Variants in AIG1 observed in about 807,000 individuals in gnomAD.
AIG1 encodes androgen-induced gene 1 protein.
A neutral mutation model predicts 31.4 loss-of-function variants in AIG1; 23 were observed. The ratio of observed to expected loss-of-function variants is 0.73; its 90% confidence interval spans 0.53 to 1.04. AIG1 has a LOEUF of 1.04. Among genes scored for constraint, AIG1 ranks in the 50% least tolerant of loss-of-function variants. The pLI is 0.00. For synonymous variants in AIG1, 100 were observed against 110.5 expected (o/e 0.90, Z 0.60); for missense variants, 274 against 295.0 (o/e 0.93, Z 0.52).
At chr6:143,304,835 G>T (rs138081551) in intron 4 of AIG1, among the ~76,000 whole-genome samples, 20,458 of 152,056 alleles carry the variant, frequency 0.13, 1,606 homozygotes, top group East Asian at 0.36. Flanking sequence ...GGTAGAATTC[G>T]GCTGTGAATC....
chr6:143,063,911 G>A (rs13197998), intron 1 of AIG1, among the ~76,000 whole-genome samples: 4 of 152,184 alleles, frequency 2.6e-5, no homozygotes, highest in Non-Finnish European at 5.9e-5. Context: ...GGTCATTCCA[G>A]TAGATTCAGA....
intron 1 of AIG1, among the ~76,000 whole-genome samples, chr6:143,121,100 C>T (rs1782201810): frequency 6.6e-6 from 1 of 152,230 alleles, no homozygotes; most frequent in African/African-American, 2.4e-5. Context: ...TAAAACAATG[C>T]TTATCACTGG....
In AIG1 at chr6:143,279,212, G is replaced by A. The variant is rs1479695965; in HGVS notation, c.400-4898G>A. 6.6e-6 allele frequency among the ~76,000 whole-genome samples: 1 copy of A among 152,010 alleles called. No individual in the cohort carries two copies. Among genetic ancestry groups the A allele is most frequent in the Non-Finnish European group, 1.5e-5 (1 of 68,006 alleles). On this transcript the variant is annotated intron_variant, in intron 3 of 5. Coordinates refer to ENST00000357847, the MANE Select transcript of AIG1 (RefSeq NM_016108.4). The surrounding 1 kb of genome is among the most constrained non-coding windows in gnomAD (Gnocchi z 5.4). ...TAAAAGAAACTAAGACATTTTCATGGGCCCTGGCACTGTGGCTACTGTCCC... is the reference window on the plus strand; with the variant it reads ...TAAAAGAAACTAAGACATTTTCATGAGCCCTGGCACTGTGGCTACTGTCCC...
upstream of AIG1, chr6:143,060,586 G>T: frequency 1.0e-4 from 44 of 431,744 alleles, 1 homozygote; most frequent in South Asian, 7.2e-4. Context: ...CCACACCTGG[G>T]ATGCCTAGGG....
At chr6:143,217,310 A>G (rs527456454) in intron 3 of AIG1, among the ~76,000 whole-genome samples, 3 of 152,308 alleles carry the variant, frequency 2.0e-5, no homozygotes, top group South Asian at 2.1e-4. Flanking sequence ...TTGGATTGAT[A>G]TGATGGTTGC....
chr6:143,124,211 A>G (rs934270373), intron 1 of AIG1, among the ~76,000 whole-genome samples: 1 of 152,180 alleles, frequency 6.6e-6, no homozygotes, highest in Non-Finnish European at 1.5e-5. Context: ...AGAAAGGCCG[A>G]TGTTGAGCTT....
intron 3 of AIG1, among the ~76,000 whole-genome samples, chr6:143,238,722 C>T (rs1027174747): frequency 2.0e-5 from 3 of 152,214 alleles, no homozygotes; most frequent in African/African-American, 4.8e-5. Flanking sequence ...TTTGAAGGAA[C>T]TGTAATGAGT....
intron 5 of AIG1, among the ~76,000 whole-genome samples, chr6:143,336,901 C>G (rs1042874324): frequency 2.0e-5 from 3 of 152,112 alleles, no homozygotes; most frequent in Admixed American, 2.0e-4. Flanking sequence ...CATTCCCATT[C>G]TGTAAGGGAG....
chr6:143,276,957 G>T (rs1796967044), intron 3 of AIG1, among the ~76,000 whole-genome samples: 1 of 152,084 alleles, frequency 6.6e-6, no homozygotes, highest in African/African-American at 2.4e-5. Context: ...GCAGATCCAC[G>T]TTGATTCTCT....
intron 3 of AIG1, among the ~76,000 whole-genome samples, chr6:143,173,791 G>C (rs1308412618): frequency 6.6e-6 from 1 of 152,296 alleles, no homozygotes; most frequent in Admixed American, 6.5e-5. Context: ...GTTGAGACTT[G>C]TTTTGTGGCC....
intron 2 of AIG1, among the ~76,000 whole-genome samples, chr6:143,158,415 G>A (rs1050217619): frequency 6.6e-6 from 1 of 152,200 alleles, no homozygotes; most frequent in Non-Finnish European, 1.5e-5. Context: ...CTAGAGAGCT[G>A]CAGGATCTTG....
At chr6:143,103,538 C>T (rs1234893472) in intron 1 of AIG1, among the ~76,000 whole-genome samples, 12 of 126,034 alleles carry the variant, frequency 9.5e-5, no homozygotes, top group Non-Finnish European at 1.3e-4. Flanking sequence ...GACGGAGTCT[C>T]GCTCTGTCGC....
chr6:143,156,369 C>G (rs1785757967), intron 2 of AIG1, among the ~76,000 whole-genome samples: 1 of 152,076 alleles, frequency 6.6e-6, no homozygotes, highest in Non-Finnish European at 1.5e-5. Context: ...AGAAGAATTG[C>G]AGAAGACTAG....
intron 3 of AIG1, among the ~76,000 whole-genome samples, chr6:143,167,315 C>T (rs1191615091): frequency 6.6e-6 from 1 of 152,140 alleles, no homozygotes; most frequent in Non-Finnish European, 1.5e-5. Flanking sequence ...AGAGTAATAT[C>T]ACCTAGATAA....
intron 3 of AIG1, among the ~76,000 whole-genome samples, chr6:143,181,771 G>C (rs1788741420): frequency 6.6e-6 from 1 of 152,020 alleles, no homozygotes; most frequent in South Asian, 2.1e-4. Flanking sequence ...GATGGAGAAG[G>C]AAGAAAGATA....
chr6:143,236,551 C>T (rs765881645), intron 3 of AIG1, among the ~76,000 whole-genome samples: 9 of 152,158 alleles, frequency 5.9e-5, no homozygotes, highest in Non-Finnish European at 1.0e-4. Context: ...ACACCAAGTT[C>T]CTGCCCCCTT....
At chr6:143,163,948 C>A (rs1184202241) in intron 2 of AIG1, among the ~76,000 whole-genome samples, 1 of 152,124 alleles carries the variant, frequency 6.6e-6, no homozygotes, top group Non-Finnish European at 1.5e-5. Flanking sequence ...TCCCTCACTG[C>A]CCACTGCCAT....
intron 4 of AIG1, among the ~76,000 whole-genome samples, chr6:143,313,472 G>A (rs754688057): frequency 3.3e-5 from 5 of 152,114 alleles, no homozygotes; most frequent in African/African-American, 4.8e-5. Context: ...AAATTCACAT[G>A]TTCTCACTTA....
At chr6:143,192,952 T>C (rs1789925940) in intron 3 of AIG1, among the ~76,000 whole-genome samples, 1 of 152,142 alleles carries the variant, frequency 6.6e-6, no homozygotes, top group African/African-American at 2.4e-5. Flanking sequence ...ATTTGTTCCC[T>C]AAGTAGCCCT....
Sources: gnomAD v4.1 joint callset for allele counts (sites outside exome capture counted in the v4.1 genomes callset) on GRCh38, gnomAD v4.1.1 for gene constraint, Gnocchi (gnomAD v3.1) non-coding constraint, MANE v1.5 for transcripts, NCBI Gene and HGNC (gene_info 2026-07-23, HGNC 2026-07-21) for gene names.